CDIN1: variants seen among roughly 807,000 people sequenced by gnomAD.
The protein encoded by CDIN1 is CDAN1-interacting nuclease 1.
A neutral mutation model predicts 45.3 loss-of-function variants in CDIN1; 33 were observed. That is an observed-to-expected ratio of 0.73 (90% confidence interval 0.55 to 0.97). The LOEUF (loss-of-function observed/expected upper bound fraction) is 0.97. Among genes scored for constraint, CDIN1 ranks in the 50% least tolerant of loss-of-function variants. The probability of loss-of-function intolerance (pLI) is 0.00; values close to 1 mark genes in which losing one functional copy is unlikely to be tolerated. For synonymous variants in CDIN1, 118 were observed against 124.4 expected (o/e 0.95, Z 0.34); for missense variants, 303 against 339.4 (o/e 0.89, Z 0.84).
chr15:36,759,995 C>T (rs2053715353), intron 10 of CDIN1, among the ~76,000 whole-genome samples: 2 of 152,140 alleles, frequency 1.3e-5, no homozygotes, highest in Admixed American at 1.3e-4. Context: ...TGGGTGGGGA[C>T]ATACAGCCAA....
At chr15:36,595,720 T>C (rs1243693733) in intron 1 of CDIN1, among the ~76,000 whole-genome samples, 1 of 152,238 alleles carries the variant, frequency 6.6e-6, no homozygotes, top group Non-Finnish European at 1.5e-5. Context: ...CATAACGAAT[T>C]GACGAGGCCA....
chr15:36,793,248 C>A (rs1267101787), intron 10 of CDIN1, among the ~76,000 whole-genome samples: 1 of 152,170 alleles, frequency 6.6e-6, no homozygotes, highest in African/African-American at 2.4e-5. Flanking sequence ...CCCTGAAAGA[C>A]AGGAGCTGGG....
chr15:36,782,441 G>A (rs28379045), intron 10 of CDIN1, among the ~76,000 whole-genome samples: 24,414 of 152,066 alleles, frequency 0.16, 2,519 homozygotes, highest in Middle Eastern at 0.24. Context: ...TAATAATTTA[G>A]CATTTTTGTT....
At chr15:36,617,955 T>TC (rs2038976054) in intron 1 of CDIN1, 6 of 764,466 alleles carry the variant, frequency 7.8e-6, no homozygotes, top group Non-Finnish European at 1.5e-5. Context: ...GATTCTAGTA[T>TC]CTATAGTCAG....
intron 3 of CDIN1, among the ~76,000 whole-genome samples, chr15:36,650,368 A>G (rs1258028855): frequency 6.6e-6 from 1 of 152,024 alleles, no homozygotes; most frequent in Non-Finnish European, 1.5e-5. Flanking sequence ...AGAATTGAGG[A>G]AATTTCTTCA....
intron 5 of CDIN1, among the ~76,000 whole-genome samples, chr15:36,677,062 A>G (rs1308224331): frequency 6.6e-6 from 1 of 152,158 alleles, no homozygotes; most frequent in Non-Finnish European, 1.5e-5. Context: ...TATGAGAAAG[A>G]GTAGTCTTCT....
intron 10 of CDIN1, among the ~76,000 whole-genome samples, chr15:36,770,462 T>C (rs2054046571): frequency 6.6e-6 from 1 of 151,886 alleles, no homozygotes; most frequent in Admixed American, 6.6e-5. Context: ...TTATTATTAT[T>C]ATTGGAGATA....
At chr15:36,610,527 T>C (rs1447689008) in intron 1 of CDIN1, among the ~76,000 whole-genome samples, 23 of 152,230 alleles carry the variant, frequency 1.5e-4, no homozygotes, top group Non-Finnish European at 2.6e-4. Context: ...CCACTTCTTT[T>C]GCCACACTTT....
rs1371280120 is a variant in CDIN1, at chr15:36,809,025, C to T, written c.*572C>T. 1 of 453,218 alleles carries T rather than the reference C, an allele frequency of 2.2e-6. No homozygotes were observed. Among genetic ancestry groups the T allele is most frequent in the East Asian group, 7.0e-5 (1 of 14,374 alleles). 28.1% of individuals were successfully genotyped at this position (453,218 alleles called of 1,614,324 possible). On this transcript the variant is annotated 3_prime_UTR_variant, in exon 11 of 11. Coordinates refer to ENST00000566621, the MANE Select transcript of CDIN1 (RefSeq NM_001321759.2). Reference sequence around the variant, plus strand: ...AGCTCCAGAAGACCTTGATGGCAGCCTGCCTATGCTGTGTGTTTGCTATAT... The same window carrying T: ...AGCTCCAGAAGACCTTGATGGCAGCTTGCCTATGCTGTGTGTTTGCTATAT...
intron 8 of CDIN1, among the ~76,000 whole-genome samples, chr15:36,699,106 G>T (rs2042540079): frequency 6.6e-6 from 1 of 152,054 alleles, no homozygotes; most frequent in Admixed American, 6.6e-5. Context: ...ATATTTAATT[G>T]ATCTTTAAAA....
intron 10 of CDIN1, among the ~76,000 whole-genome samples, chr15:36,776,086 T>G (rs1379682695): frequency 1.3e-5 from 2 of 152,250 alleles, no homozygotes; most frequent in Non-Finnish European, 2.9e-5. Context: ...ATATGTGGTT[T>G]AATTTTCTAG....
intron 10 of CDIN1, among the ~76,000 whole-genome samples, chr15:36,753,663 A>G (rs1313452383): frequency 2.7e-5 from 4 of 150,860 alleles, no homozygotes; most frequent in African/African-American, 9.7e-5. Flanking sequence ...TTGTCAGTGG[A>G]GATAATTTAG....
At chr15:36,726,503 A>G (rs1276811046) in intron 10 of CDIN1, among the ~76,000 whole-genome samples, 2 of 152,206 alleles carry the variant, frequency 1.3e-5, no homozygotes, top group South Asian at 2.1e-4. Flanking sequence ...AGGATTTTGT[A>G]TAACTTTTAA....
At chr15:36,686,266 T>C (rs1344877631) in intron 5 of CDIN1, among the ~76,000 whole-genome samples, 1 of 151,306 alleles carries the variant, frequency 6.6e-6, no homozygotes, top group Non-Finnish European at 1.5e-5. Flanking sequence ...TGTAGGGACA[T>C]GGATGAAATT....
chr15:36,600,021 C>T (rs2038021529), intron 1 of CDIN1, among the ~76,000 whole-genome samples: 1 of 152,200 alleles, frequency 6.6e-6, no homozygotes, highest in South Asian at 2.1e-4. Flanking sequence ...TGACAAAGGT[C>T]ATGCTATGTT....
intron 1 of CDIN1, among the ~76,000 whole-genome samples, chr15:36,602,123 T>C (rs1334467566): frequency 6.6e-6 from 1 of 152,278 alleles, no homozygotes; most frequent in Non-Finnish European, 1.5e-5. Context: ...GCGTATGTGC[T>C]CAGCGTGAAC....
intron 9 of CDIN1, 29 bp from the exon 10 acceptor site, chr15:36,709,827 C>T: frequency 6.4e-7 from 1 of 1,568,460 alleles, no homozygotes; most frequent in Non-Finnish European, 8.8e-7. Flanking sequence ...CCTCCCTTCT[C>T]CGTATATTAG....
intron 10 of CDIN1, among the ~76,000 whole-genome samples, chr15:36,736,915 C>A (rs559209887): frequency 6.6e-6 from 1 of 152,044 alleles, no homozygotes; most frequent in South Asian, 2.1e-4. Flanking sequence ...GTCTGTAATC[C>A]CAGCACTTTG....
intron 1 of CDIN1, among the ~76,000 whole-genome samples, chr15:36,603,594 T>C (rs1364663418): frequency 6.6e-6 from 1 of 152,190 alleles, no homozygotes; most frequent in Non-Finnish European, 1.5e-5. Flanking sequence ...ATGAAACTTA[T>C]TTGCTATTTA....
Sources: allele counts gnomAD v4.1 joint callset (sites outside exome capture counted in the v4.1 genomes callset), GRCh38; gene constraint gnomAD v4.1.1; transcripts MANE v1.5; gene names NCBI Gene and HGNC (gene_info 2026-07-23, HGNC 2026-07-21).